Variants in ZNF81 observed in about 807,000 individuals in gnomAD.
The protein encoded by ZNF81 is zinc finger protein 81 (HFZ20).
Under a neutral mutation model 32.3 loss-of-function variants are expected in ZNF81, and 5 were observed. The observed-to-expected ratio is 0.15, with a 90% CI of 0.08 to 0.33. ZNF81 has a LOEUF of 0.33. ZNF81 is among the 10% of genes least tolerant of loss of function. The probability of loss-of-function intolerance (pLI) is 1.00; values close to 1 mark genes in which losing one functional copy is unlikely to be tolerated. For synonymous variants in ZNF81, 163 were observed against 166.8 expected (o/e 0.98, Z 0.17); for missense variants, 379 against 479.8 (o/e 0.79, Z 1.96).
chrX:47,900,221 A>T (rs1229364140), intron 4 of ZNF81, among the ~76,000 whole-genome samples: 1 of 111,783 alleles, frequency 8.9e-6, no homozygotes, highest in African/African-American at 3.3e-5. Flanking sequence ...AGCTATAGCA[A>T]TCTGGACAGT....
intron 2 of ZNF81, 104 bp from the exon 3 acceptor site, chrX:47,887,895 A>G: frequency 3.1e-6 from 3 of 968,880 alleles, no homozygotes; most frequent in Non-Finnish European, 4.4e-6. Flanking sequence ...GGCATACCAT[A>G]TCGTATATTA....
Position 47,916,379 on chromosome X carries a change from C to G in ZNF81, c.1733C>G (p.Thr578Arg), listed in dbSNP as rs2058757009. The change falls in exon 5 of 5, where the codon ACA (threonine) becomes AGA (arginine). Residue 578 changes from threonine (T) to arginine (R), a missense_variant. Thr to Arg is a moderately conservative substitution (Grantham distance 71). Around this residue, in one of 2 missense-constraint regions of ZNF81, gnomAD observed 102 missense variants for 173.2 expected, o/e 0.59. Coordinates refer to ENST00000338637, the MANE Select transcript of ZNF81 (RefSeq NM_007137.5). Reference protein sequence around the residue: ...ELITHQRIHTTEKPYKCPDCE... With the variant: ...ELITHQRIHTREKPYKCPDCE... ...ATTACACATCAGAGAATTCATACTA[C>G]AGAGAAGCCTTATAAATGTCCTGAC... 1 of 1,209,843 alleles carries G rather than the reference C, an allele frequency of 8.3e-7. No homozygotes were observed. Among genetic ancestry groups the G allele is most frequent in the African/African-American group, 1.7e-5 (1 of 57,157 alleles).
At chrX:47,868,481 C>T (rs2058568145) in intron 2 of ZNF81, among the ~76,000 whole-genome samples, 1 of 111,216 alleles carries the variant, frequency 9.0e-6, no homozygotes, top group African/African-American at 3.3e-5. Flanking sequence ...TGCAAATGAA[C>T]CTCTGAGACC....
intron 3 of ZNF81, among the ~76,000 whole-genome samples, chrX:47,890,634 C>A (rs782207085): frequency 1.8e-5 from 2 of 111,840 alleles, no homozygotes; most frequent in African/African-American, 6.5e-5. Context: ...GCTTGCACAG[C>A]AGCCTGGATC....
At chrX:47,868,154 T>A (rs1172301788) in intron 2 of ZNF81, among the ~76,000 whole-genome samples, 1 of 111,421 alleles carries the variant, frequency 9.0e-6, no homozygotes, top group Non-Finnish European at 1.9e-5. Flanking sequence ...TCTAAATCAA[T>A]AGTAACACCA....
rs183836988 is a variant in ZNF81 at position 47,843,116 on chromosome X, G to C, written c.-163-2989G>C. ...ATGTATATGTGTATGTGTGTGTATG[G>C]TTTCTATGGTTTTAAGGCTCTTCCA... On this transcript the variant is annotated intron_variant, in intron 1 of 4. Transcript: ENST00000338637. 4.5e-5 allele frequency among the ~76,000 whole-genome samples: 5 copies of C among 111,363 alleles called. No homozygotes were observed. The East Asian group carries it at 1.1e-3, about 25-fold the overall frequency.
At chrX:47,902,543 A>G (rs2058702420) in intron 4 of ZNF81, among the ~76,000 whole-genome samples, 1 of 112,357 alleles carries the variant, frequency 8.9e-6, no homozygotes, top group Non-Finnish European at 1.9e-5. Context: ...AGAATAGACT[A>G]TTTTGGGATA....
At chrX:47,913,320 C>T in intron 4 of ZNF81, among the ~76,000 whole-genome samples, 1 of 111,021 alleles carries the variant, frequency 9.0e-6, no homozygotes, top group Non-Finnish European at 1.9e-5. Context: ...TGAGACCAGC[C>T]TGGGCAACAT....
chrX:47,915,703 A>T lies in ZNF81; in HGVS notation c.1057A>T (p.Thr353Ser). The T allele has an allele frequency of 8.3e-7, 1 of 1,210,643 alleles. No homozygotes were observed. The highest frequency in any genetic ancestry group is 1.1e-6 in the Non-Finnish European group (1 of 895,044). ...SELIMHEKTH[T>S]REKPYKCNEC... The stretch of plus-strand genomic sequence containing the variant: ...ATTAATTATGCATGAGAAAACTCAT[A>T]CTAGAGAGAAACCCTATAAATGCAA... The change falls in exon 5 of 5, where the codon ACT becomes TCT. Residue 353 changes from threonine (T) to serine (S), a missense_variant. This residue lies in a region of ZNF81 where 277 missense variants were observed against 306.6 expected (regional missense o/e 0.90). Coordinates refer to ENST00000338637, the MANE Select transcript of ZNF81 (RefSeq NM_007137.5).
intron 2 of ZNF81, among the ~76,000 whole-genome samples, chrX:47,852,954 T>G (rs185631254): frequency 1.2e-4 from 14 of 112,583 alleles, no homozygotes; most frequent in African/African-American, 3.9e-4. Flanking sequence ...TACTCTTTGA[T>G]CTATGGGCTC....
chrX:47,852,268 C>T (rs1268658187), intron 2 of ZNF81, among the ~76,000 whole-genome samples: 1 of 111,902 alleles, frequency 8.9e-6, no homozygotes, highest in African/African-American at 3.3e-5. Context: ...GGCTGTTGAC[C>T]GATCGGGGTG....
chrX:47,860,862 A>G (rs1330465965), intron 2 of ZNF81: 3 of 111,246 alleles, frequency 2.7e-5, no homozygotes, highest in African/African-American at 9.8e-5. Context: ...GTATGTGGAT[A>G]GGGGTGCTAG....
Position 47,917,195 on chromosome X carries a change from T to G in ZNF81, c.*563T>G. On this transcript the variant is annotated 3_prime_UTR_variant, in exon 5 of 5. Coordinates refer to ENST00000338637, the MANE Select transcript of ZNF81 (RefSeq NM_007137.5). ...TCTTACTGAATATGTCTATCAAATA[T>G]GTTTCTTATTGAATATTTCTATCAA... The G allele has an allele frequency of 6.8e-6, 2 of 295,383 alleles. No homozygotes were observed. The highest frequency in any genetic ancestry group is 1.2e-5 in the Non-Finnish European group (2 of 168,756). 24.3% of individuals were successfully genotyped at this position (295,383 alleles called of 1,213,427 possible).
intron 2 of ZNF81, among the ~76,000 whole-genome samples, chrX:47,877,219 A>G (rs2058603541): frequency 1.8e-5 from 2 of 111,728 alleles, no homozygotes; most frequent in Admixed American, 9.5e-5. Flanking sequence ...CCTTGAGATC[A>G]GATAGGATGG....
intron 3 of ZNF81, among the ~76,000 whole-genome samples, chrX:47,889,478 A>G (rs1367178379): frequency 8.9e-6 from 1 of 111,854 alleles, no homozygotes; most frequent in Non-Finnish European, 1.9e-5. Context: ...AGATGGGGGG[A>G]CCCATTGCCT....
intron 2 of ZNF81, among the ~76,000 whole-genome samples, chrX:47,876,699 T>C (rs1201464592): frequency 2.7e-5 from 3 of 112,402 alleles, no homozygotes; most frequent in Admixed American, 1.9e-4. Flanking sequence ...TGTATTGTTA[T>C]AGTCACTATG....
Position 47,915,726 on chromosome X carries a change from C to T in ZNF81, c.1080C>T (p.Cys360=), listed in dbSNP as rs377731546. 9 of 1,210,742 alleles carry T rather than the reference C, an allele frequency of 7.4e-6. No individual in the cohort carries two copies. Among genetic ancestry groups the T allele is most frequent in the Non-Finnish European group, 8.9e-6 (8 of 895,165 alleles). Residue 360 remains cysteine, a synonymous_variant, in exon 5 of 5, where the codon TGC becomes TGT. Transcript: ENST00000338637. The part of the protein sequence containing the change: ...KTHTREKPYK[C]NECGKSFFQV... ...ATACTAGAGAGAAACCCTATAAATG[C>T]AATGAATGTGGGAAATCATTTTTCC...
chrX:47,879,058 CTTCTT>C (rs1440222762), intron 2 of ZNF81, among the ~76,000 whole-genome samples: 2 of 111,786 alleles, frequency 1.8e-5, no homozygotes, highest in African/African-American at 6.5e-5. Flanking sequence ...CCTCACTCTT[CTTCTT>C]TTAAGGATCC....
chrX:47,864,147 C>A lies in ZNF81; in HGVS notation c.54+17826C>A, dbSNP rs1044960934. 5.4e-5 allele frequency among the ~76,000 whole-genome samples: 6 copies of A among 111,543 alleles called. No homozygotes were observed. In the East Asian group the frequency reaches 1.7e-3, roughly 31 times the overall value. The stretch of plus-strand genomic sequence containing the variant: ...GACCAAACTGCCTTACTAAGGTTTG[C>A]GGACCAGGAGGAGGCAAGGGAGGTA... On this transcript the variant is annotated intron_variant, in intron 2 of 4. Transcript: ENST00000338637.
Sources: gnomAD v4.1 joint callset for allele counts (sites outside exome capture counted in the v4.1 genomes callset) on GRCh38, gnomAD v4.1.1 for gene constraint, gnomAD v4.1.1 regional missense constraint, MANE v1.5 for transcripts, NCBI Gene and HGNC (gene_info 2026-07-23, HGNC 2026-07-21) for gene names.